The following PDE1A variants were observed in gnomAD, a reference collection of about 807,000 sequenced individuals.
The protein encoded by PDE1A is phosphodiesterase 1A, also known as dual specificity calcium/calmodulin-dependent 3',5'-cyclic nucleotide phosphodiesterase 1A.
A neutral mutation model predicts 61.7 loss-of-function variants in PDE1A; 35 were observed. That is an observed-to-expected ratio of 0.57 (90% CI 0.43 to 0.75). The LOEUF (loss-of-function observed/expected upper bound fraction) is 0.75. Ranked by LOEUF, PDE1A falls within the 30% of genes least tolerant of loss-of-function variation. The pLI is 0.00. For missense variants in PDE1A, 597 were observed against 630.6 expected (o/e 0.95, Z 0.57); for synonymous variants, 232 against 213.2 (o/e 1.09, Z -0.77).
the PDE1A span, among the ~76,000 whole-genome samples, chr2:182,619,959 G>A: frequency 8.8e-4 from 134 of 152,092 alleles, no homozygotes; most frequent in African/African-American, 3.1e-3. Context: ...TTTTTTTTAA[G>A]GCATCAAACC....
At chr2:182,360,187 C>T (rs189027517) in intron 1 of PDE1A, among the ~76,000 whole-genome samples, 1 of 152,222 alleles carries the variant, frequency 6.6e-6, no homozygotes, top group Non-Finnish European at 1.5e-5. Context: ...TGATGAATTA[C>T]TACATTTCCT....
chr2:182,672,846 T>C, the PDE1A span, among the ~76,000 whole-genome samples: 3 of 152,256 alleles, frequency 2.0e-5, no homozygotes, highest in Non-Finnish European at 4.4e-5. Flanking sequence ...TCAGTAATTC[T>C]TAATCTTCAT....
chr2:182,511,170 G>C (rs745961355), intron 2 of PDE1A, among the ~76,000 whole-genome samples: 3 of 152,002 alleles, frequency 2.0e-5, no homozygotes, highest in Non-Finnish European at 4.4e-5. Flanking sequence ...TTGAGGAATT[G>C]AAAAATCAAT....
chr2:182,504,560 T>C (rs1438376738), intron 2 of PDE1A, among the ~76,000 whole-genome samples: 1 of 152,218 alleles, frequency 6.6e-6, no homozygotes, highest in African/African-American at 2.4e-5. Context: ...GGACTAATGC[T>C]GGGAATATTT....
At chr2:182,683,071 C>T in the PDE1A span, among the ~76,000 whole-genome samples, 7 of 151,150 alleles carry the variant, frequency 4.6e-5, no homozygotes, top group African/African-American at 1.7e-4. Context: ...TGCATTGGAA[C>T]AACTTGTGTT....
chr2:182,178,500 G>T (rs1684478516), intron 13 of PDE1A, among the ~76,000 whole-genome samples: 1 of 152,138 alleles, frequency 6.6e-6, no homozygotes, highest in South Asian at 2.1e-4. Flanking sequence ...GACGGGACCT[G>T]CTCTCTGAAT....
At chr2:182,328,822 A>G (rs1697216625) in intron 1 of PDE1A, among the ~76,000 whole-genome samples, 1 of 152,168 alleles carries the variant, frequency 6.6e-6, no homozygotes, top group African/African-American at 2.4e-5. Context: ...ACAGGTAAGT[A>G]AGGGTCTCTG....
chr2:182,450,686 C>T (rs1418473062), intron 2 of PDE1A, among the ~76,000 whole-genome samples: 1 of 151,670 alleles, frequency 6.6e-6, no homozygotes, highest in African/African-American at 2.4e-5. Flanking sequence ...TCCAAAGAGC[C>T]ATGCTTTGGA....
the PDE1A span, among the ~76,000 whole-genome samples, chr2:182,659,737 C>T: frequency 2.0e-5 from 3 of 152,172 alleles, no homozygotes; most frequent in Non-Finnish European, 4.4e-5. Context: ...CTTACAACAT[C>T]GCTGCTAAGC....
chr2:182,526,983 T>C (rs1157692905), upstream of PDE1A, among the ~76,000 whole-genome samples: 1 of 151,948 alleles, frequency 6.6e-6, no homozygotes, highest in Non-Finnish European at 1.5e-5. Flanking sequence ...TAATAAGTTA[T>C]AACAATGTTT....
the PDE1A span, among the ~76,000 whole-genome samples, chr2:182,588,110 C>A: frequency 1.3e-5 from 2 of 152,110 alleles, no homozygotes; most frequent in South Asian, 2.1e-4. Context: ...AATTAAGTAA[C>A]CTTACTCAAA....
intron 7 of PDE1A, among the ~76,000 whole-genome samples, chr2:182,209,280 C>T (rs772063186): frequency 1.3e-5 from 2 of 152,020 alleles, no homozygotes; most frequent in Middle Eastern, 3.4e-3. Context: ...AACAGATTTC[C>T]CCTTATCCAA....
chr2:182,376,571 A>G (rs1484955147), intron 1 of PDE1A, among the ~76,000 whole-genome samples: 1 of 151,952 alleles, frequency 6.6e-6, no homozygotes, highest in Admixed American at 6.6e-5. Flanking sequence ...ACTTTCCCAC[A>G]TTTTCTTATC....
chr2:182,530,200 T>C, the PDE1A span, among the ~76,000 whole-genome samples: 507 of 151,540 alleles, frequency 3.3e-3, 1 homozygote, highest in African/African-American at 0.012. Flanking sequence ...TTTCAAGCCA[T>C]TAGCCATCAG....
chr2:182,415,663 T>C (rs571743755), intron 1 of PDE1A, among the ~76,000 whole-genome samples: 1 of 152,312 alleles, frequency 6.6e-6, no homozygotes, highest in African/African-American at 2.4e-5. Context: ...GACAGTTCTT[T>C]ATGTTCTAAA....
intron 1 of PDE1A, among the ~76,000 whole-genome samples, chr2:182,373,512 T>C (rs566935795): frequency 3.9e-5 from 6 of 152,320 alleles, no homozygotes; most frequent in South Asian, 2.1e-4. Flanking sequence ...TAAAGGCAGT[T>C]CTAAAACTCT....
At chr2:182,694,450 C>T in the PDE1A span, among the ~76,000 whole-genome samples, 1 of 152,198 alleles carries the variant, frequency 6.6e-6, no homozygotes, top group Non-Finnish European at 1.5e-5. Context: ...CGGGAATCCA[C>T]TCCATCTACA....
chr2:182,604,014 G>A, the PDE1A span, among the ~76,000 whole-genome samples: 1 of 151,382 alleles, frequency 6.6e-6, no homozygotes, highest in Non-Finnish European at 1.5e-5. Context: ...ACTATTCCTA[G>A]AAATTTAGTT....
At chr2:182,363,870 A>G (rs1699660074) in intron 1 of PDE1A, among the ~76,000 whole-genome samples, 1 of 152,046 alleles carries the variant, frequency 6.6e-6, no homozygotes, top group African/African-American at 2.4e-5. Context: ...AACTATGCAT[A>G]TAAGATTTTA....
Sources: allele counts gnomAD v4.1 joint callset (sites outside exome capture counted in the v4.1 genomes callset), GRCh38; gene constraint gnomAD v4.1.1; transcripts MANE v1.5; gene names NCBI Gene and HGNC (gene_info 2026-07-23, HGNC 2026-07-21).